Variants in NT5C2 observed in about 807,000 individuals in gnomAD.
NT5C2 encodes 5'-nucleotidase, cytosolic II.
Under a neutral mutation model 76.1 loss-of-function variants are expected in NT5C2, and 58 were observed. The observed-to-expected ratio is 0.76, with a 90% confidence interval of 0.62 to 0.95. NT5C2 has a LOEUF of 0.95. NT5C2 is among the 40% of genes least tolerant of loss of function. NT5C2 has a pLI of 0.00. For missense variants in NT5C2, 478 were observed against 690.3 expected (o/e 0.69, Z 3.45); for synonymous variants, 229 against 237.4 (o/e 0.96, Z 0.32).
At chr10:103,128,880 G>A (rs1182783094) in intron 4 of NT5C2, among the ~76,000 whole-genome samples, 2 of 72,714 alleles carry the variant, frequency 2.8e-5, no homozygotes, top group Admixed American at 1.2e-4. Context: ...CAGCTGCCCC[G>A]TCTGAGAAGT....
chr10:103,090,427 C>T, intron 18 of NT5C2, among the ~76,000 whole-genome samples, 184 bp downstream of exon 18: 1 of 152,184 alleles, frequency 6.6e-6, no homozygotes, highest in Non-Finnish European at 1.5e-5. Context: ...TAAAGTTACA[C>T]TCTTAACTTC....
chr10:103,119,604 C>A (rs1445114296), intron 4 of NT5C2, among the ~76,000 whole-genome samples: 3 of 152,070 alleles, frequency 2.0e-5, no homozygotes, highest in Non-Finnish European at 4.4e-5. Context: ...TGTTTTGTAC[C>A]AAAGACTTTT....
At position 103,101,252 on chromosome 10, in the gene NT5C2, G is replaced by A. The variant is rs1298943557; in HGVS notation, c.464C>T (p.Thr155Ile). Residue 155 changes from threonine to isoleucine, a missense_variant, in exon 7 of 19, where the codon ACA becomes ATA. By Grantham distance (89) the Thr-to-Ile change is moderately conservative (BLOSUM62 -1). Coordinates refer to ENST00000404739, the MANE Select transcript of NT5C2 (RefSeq NM_001351169.2). ...GAATCTACCTGGTAGGTTGAATAGT[G>A]TGTTCAGAATGTAAAATCTTTCAGT... ...DDTERFYILN[T>I]LFNLPETYLL... is the part of the protein sequence containing the mutation. The A allele has an allele frequency of 6.3e-7, 1 of 1,599,034 alleles. No individual in the cohort carries two copies. The highest frequency in any genetic ancestry group is 1.1e-5 in the South Asian group (1 of 90,598).
At chr10:103,181,939 G>A (rs1280532922) in intron 1 of NT5C2, among the ~76,000 whole-genome samples, 3 of 151,900 alleles carry the variant, frequency 2.0e-5, no homozygotes, top group African/African-American at 7.3e-5. Flanking sequence ...CCACCCGGGA[G>A]GCGGAGGTTG....
At position 103,159,251 on chromosome 10, in the gene NT5C2, G is replaced by GCACACACACAAACA. The variant is rs2084189004; in HGVS notation, c.101+15606_101+15607insTGTTTGTGTGTGTG. Among the ~76,000 whole-genome samples, 2 of 133,202 alleles carry GCACACACACAAACA rather than the reference G, an allele frequency of 1.5e-5. 1 individual carries two copies. Among genetic ancestry groups the GCACACACACAAACA allele is most frequent in the African/African-American group, 5.6e-5 (2 of 35,526 alleles). The allele number at this position is 133,202 out of a possible 152,430, so 87.4% of individuals were successfully genotyped here. On this transcript the variant is annotated intron_variant, in intron 3 of 18. Transcript: ENST00000404739. Reference sequence around the variant, plus strand: ...GAGTGAGACCTCATCTCCAAAACATGCACACACACACACACACACACACAC... The same window carrying GCACACACACAAACA: ...GAGTGAGACCTCATCTCCAAAACATGCACACACACAAACACACACACACACACACACACACACAC...
intron 3 of NT5C2, among the ~76,000 whole-genome samples, chr10:103,147,186 C>G (rs1054127973): frequency 6.6e-6 from 1 of 152,196 alleles, no homozygotes; most frequent in Non-Finnish European, 1.5e-5. Flanking sequence ...AATCATATCA[C>G]TCTCTTAAGA....
intron 3 of NT5C2, among the ~76,000 whole-genome samples, chr10:103,163,597 T>A (rs1182262520): frequency 1.3e-5 from 2 of 152,152 alleles, no homozygotes; most frequent in Non-Finnish European, 2.9e-5. Flanking sequence ...CATTTCATAA[T>A]TTGGTTATTT....
intron 3 of NT5C2, among the ~76,000 whole-genome samples, chr10:103,163,742 C>CA (rs2085553696): frequency 6.6e-6 from 1 of 150,436 alleles, no homozygotes; most frequent in Non-Finnish European, 1.5e-5. Flanking sequence ...GTGGGCCAGG[C>CA]ATGGTGGCTC....
At chr10:103,193,033 T>G (rs1591999932) in intron 1 of NT5C2, among the ~76,000 whole-genome samples, 1 of 141,684 alleles carries the variant, frequency 7.1e-6, no homozygotes, top group African/African-American at 2.6e-5. Flanking sequence ...CCGAGGGAGT[T>G]GGGAGGCGTG....
At chr10:103,177,044 G>T (rs954406710) in intron 2 of NT5C2, among the ~76,000 whole-genome samples, 2 of 151,088 alleles carry the variant, frequency 1.3e-5, no homozygotes, top group Non-Finnish European at 2.9e-5. Flanking sequence ...TGGTTTTACT[G>T]TAACATTTGA....
Position 103,102,406 on chromosome 10 carries a change from A to G in NT5C2, c.390-1080T>C, listed in dbSNP as rs1299240493. The stretch of plus-strand genomic sequence containing the variant: ...CAGCCTGTGAATGCCAGACATGTGC[A>G]TGAGGCCATTGTAGATCAGATGCCA... On this transcript the variant is annotated intron_variant, in intron 6 of 18. Transcript: ENST00000404739. Among the ~76,000 whole-genome samples, 7 of 152,312 alleles carry G rather than the reference A, an allele frequency of 4.6e-5. No individual in the cohort carries two copies. The East Asian group carries it at 1.3e-3, about 29-fold the overall frequency.
At chr10:103,098,905 G>C (rs780598949) in intron 10 of NT5C2, 26 bp downstream of exon 10, 1 of 1,497,472 alleles carries the variant, frequency 6.7e-7, no homozygotes, top group Non-Finnish European at 9.3e-7. Context: ...CTATTATGCA[G>C]ATCTATTTTC....
intron 4 of NT5C2, among the ~76,000 whole-genome samples, chr10:103,118,376 T>TTG (rs2074874922): frequency 6.6e-6 from 1 of 151,272 alleles, no homozygotes; most frequent in Non-Finnish European, 1.5e-5. Flanking sequence ...TTTTTTTTTT[T>TTG]GGATAGGTCT....
intron 4 of NT5C2, among the ~76,000 whole-genome samples, chr10:103,129,594 C>T (rs1326112369): frequency 4.2e-5 from 5 of 118,432 alleles, no homozygotes; most frequent in South Asian, 5.5e-4. Flanking sequence ...GCCCCCCGCC[C>T]GGCCAGCCGC....
At chr10:103,111,543 C>A (rs2073045410) in intron 4 of NT5C2, among the ~76,000 whole-genome samples, 1 of 152,106 alleles carries the variant, frequency 6.6e-6, no homozygotes, top group South Asian at 2.1e-4. Flanking sequence ...GCTGTTCATA[C>A]AAGATAGAAT....
chr10:103,090,361 C>A (rs954563636), intron 18 of NT5C2: 4 of 418,604 alleles, frequency 9.6e-6, no homozygotes, highest in African/African-American at 8.2e-5. Context: ...GGGTTACAGG[C>A]ATGAGCCACC....
Position 103,167,326 on chromosome 10 carries a change from A to T in NT5C2, c.101+7532T>A, listed in dbSNP as rs547918716. Among the ~76,000 whole-genome samples, 24 of 152,124 alleles carry T rather than the reference A, an allele frequency of 1.6e-4. No homozygotes were observed. The East Asian group carries it at 3.3e-3, about 21-fold the overall frequency. ...AGCCACCATGCCCAGTCCCATATGT[A>T]TACTATTTAAGAAACATGGCTCTTC... is the stretch of plus-strand genomic sequence containing the variant. On this transcript the variant is annotated intron_variant, in intron 3 of 18. Transcript: ENST00000404739.
intron 1 of NT5C2, among the ~76,000 whole-genome samples, chr10:103,189,778 C>T (rs1401753093): frequency 2.0e-5 from 3 of 150,996 alleles, no homozygotes; most frequent in Non-Finnish European, 3.0e-5. Flanking sequence ...AAGCGATTCT[C>T]GTGTCTCAGC....
intron 3 of NT5C2, among the ~76,000 whole-genome samples, chr10:103,143,539 T>C (rs2080916752): frequency 6.8e-6 from 1 of 146,848 alleles, no homozygotes; most frequent in South Asian, 2.2e-4. Context: ...CATGTTATCC[T>C]CCTACCTCAG....
Sources: allele counts gnomAD v4.1 joint callset (sites outside exome capture counted in the v4.1 genomes callset), GRCh38; gene constraint gnomAD v4.1.1; transcripts MANE v1.5; gene names NCBI Gene and HGNC (gene_info 2026-07-23, HGNC 2026-07-21).